The following CNBD1 variants were observed in gnomAD, a reference collection of about 807,000 sequenced individuals.
The protein encoded by CNBD1 is cyclic nucleotide-binding domain-containing protein 1.
A neutral mutation model predicts 54.4 loss-of-function variants in CNBD1; 71 were observed. That is an observed-to-expected ratio of 1.30 (90% CI 1.08 to 1.59). The LOEUF is 1.59. Ranked by LOEUF, CNBD1 falls within the 40% of genes most tolerant of loss-of-function variation. CNBD1 has a pLI of 0.00. For synonymous variants in CNBD1, 182 were observed against 170.7 expected (o/e 1.07, Z -0.51); for missense variants, 659 against 518.0 (o/e 1.27, Z -2.64).
At chr8:87,109,545 T>C (rs1811614293) in intron 4 of CNBD1, among the ~76,000 whole-genome samples, 1 of 149,146 alleles carries the variant, frequency 6.7e-6, no homozygotes, top group African/African-American at 2.5e-5. Context: ...TCTTTCTTTT[T>C]TTTTTTTTTT....
intron 4 of CNBD1, among the ~76,000 whole-genome samples, chr8:86,974,170 T>C (rs2130496062): frequency 6.6e-6 from 1 of 152,184 alleles, no homozygotes; most frequent in South Asian, 2.1e-4. Flanking sequence ...GCTTCATAAG[T>C]AGTCAAGGAA....
At chr8:87,024,748 T>G (rs560410579) in intron 4 of CNBD1, among the ~76,000 whole-genome samples, 51 of 152,340 alleles carry the variant, frequency 3.3e-4, no homozygotes, top group African/African-American at 1.2e-3. Context: ...TGTGTTGTTT[T>G]AAAGACTTCT....
chr8:87,201,514 A>G (rs1813861398), intron 4 of CNBD1, among the ~76,000 whole-genome samples: 1 of 152,200 alleles, frequency 6.6e-6, no homozygotes, highest in African/African-American at 2.4e-5. Flanking sequence ...TAAATAATAA[A>G]CACATTCAGC....
chr8:86,935,013 G>A (rs13276092), intron 3 of CNBD1, among the ~76,000 whole-genome samples: 100 of 49,758 alleles, frequency 2.0e-3, no homozygotes, highest in African/African-American at 3.6e-3. Flanking sequence ...GGGTTTGTTT[G>A]TTTGTTTATT....
At chr8:87,037,936 A>C (rs745756756) in intron 4 of CNBD1, among the ~76,000 whole-genome samples, 2 of 152,162 alleles carry the variant, frequency 1.3e-5, no homozygotes, top group Non-Finnish European at 2.9e-5. Flanking sequence ...TTCAGTGTCT[A>C]TGTTATTTTC....
intron 6 of CNBD1, among the ~76,000 whole-genome samples, chr8:87,261,007 G>C (rs1369186005): frequency 6.6e-6 from 1 of 152,094 alleles, no homozygotes; most frequent in African/African-American, 2.4e-5. Context: ...AAAAATCCCT[G>C]TGAATTTTTT....
At chr8:87,253,856 T>A (rs1807956955) in intron 6 of CNBD1, among the ~76,000 whole-genome samples, 1 of 152,098 alleles carries the variant, frequency 6.6e-6, no homozygotes, top group African/African-American at 2.4e-5. Context: ...CATGAGGATT[T>A]CAAGAATATA....
intron 5 of CNBD1, among the ~76,000 whole-genome samples, chr8:87,207,743 C>T (rs1387969104): frequency 2.0e-5 from 3 of 151,970 alleles, no homozygotes; most frequent in Admixed American, 6.6e-5. Context: ...TTTGATGGCA[C>T]CTTAACTCAC....
intron 2 of CNBD1, among the ~76,000 whole-genome samples, chr8:87,395,944 A>C (rs940969591): frequency 2.0e-5 from 3 of 151,860 alleles, no homozygotes; most frequent in African/African-American, 4.8e-5. Flanking sequence ...CCATGTGAAG[A>C]ATGACATGTT....
chr8:87,321,534 G>T (rs1280571544), intron 8 of CNBD1, among the ~76,000 whole-genome samples: 1 of 151,978 alleles, frequency 6.6e-6, no homozygotes, highest in Admixed American at 6.6e-5. Flanking sequence ...ATTTTTTAAA[G>T]GGTTTTTTGA....
At chr8:86,974,235 A>C (rs1808290799) in intron 4 of CNBD1, among the ~76,000 whole-genome samples, 1 of 152,178 alleles carries the variant, frequency 6.6e-6, no homozygotes, top group Non-Finnish European at 1.5e-5. Flanking sequence ...GTTGAAAAAA[A>C]ATTCAGAAGT....
chr8:86,940,671 T>C (rs574068158), intron 4 of CNBD1, among the ~76,000 whole-genome samples: 2 of 152,192 alleles, frequency 1.3e-5, no homozygotes, highest in South Asian at 4.1e-4. Context: ...AAATTAAACT[T>C]GTAAGCTGAA....
At chr8:87,346,453 A>T (rs984389837) in intron 8 of CNBD1, among the ~76,000 whole-genome samples, 13 of 151,776 alleles carry the variant, frequency 8.6e-5, no homozygotes, top group Admixed American at 8.5e-4. Flanking sequence ...CTATTTGGTT[A>T]TTTTTTGTAA....
intron 5 of CNBD1, among the ~76,000 whole-genome samples, chr8:87,208,194 C>G (rs1284665101): frequency 6.6e-6 from 1 of 152,150 alleles, no homozygotes; most frequent in South Asian, 2.1e-4. Context: ...GGTCTCTTTT[C>G]TGGCCACTAG....
In CNBD1 at chr8:87,072,419, T is replaced by A. The variant is rs569835119; in HGVS notation, c.431+132665T>A. Among the ~76,000 whole-genome samples, 3 of 152,334 alleles carry A rather than the reference T, an allele frequency of 2.0e-5. No homozygotes were observed. The South Asian group carries it at 6.2e-4, about 32-fold the overall frequency. On this transcript the variant is annotated intron_variant, in intron 4 of 10. Transcript: ENST00000518476. Reference sequence around the variant, plus strand: ...AGTGTCACTGGTTTGTCTATTTTGTTTATTGTTTTTTGTAGTGACTGATAA... The same window carrying A: ...AGTGTCACTGGTTTGTCTATTTTGTATATTGTTTTTTGTAGTGACTGATAA...
chr8:87,341,426 T>G (rs1174830635), intron 8 of CNBD1, among the ~76,000 whole-genome samples: 1 of 152,036 alleles, frequency 6.6e-6, no homozygotes, highest in Non-Finnish European at 1.5e-5. Context: ...TTGCTGGGAG[T>G]TTTCTCTTAA....
chr8:87,423,712 A>T (rs901709662), intron 2 of CNBD1, among the ~76,000 whole-genome samples: 2 of 151,048 alleles, frequency 1.3e-5, no homozygotes, highest in Non-Finnish European at 2.9e-5. Flanking sequence ...ATCAATGTTC[A>T]TCAAGGATAT....
At chr8:87,272,408 T>G (rs11777136) in intron 6 of CNBD1, among the ~76,000 whole-genome samples, 42,740 of 151,860 alleles carry the variant, frequency 0.28, 6,460 homozygotes, top group African/African-American at 0.39. Context: ...TCACATTGAA[T>G]TTAGGCTGAC....
At chr8:87,077,652 G>A (rs1255225636) in intron 4 of CNBD1, among the ~76,000 whole-genome samples, 4 of 145,942 alleles carry the variant, frequency 2.7e-5, no homozygotes, top group Non-Finnish European at 5.9e-5. Context: ...CCACCTATGA[G>A]TGAGAACATG....
Sources: gnomAD v4.1 joint callset for allele counts (sites outside exome capture counted in the v4.1 genomes callset) on GRCh38, gnomAD v4.1.1 for gene constraint, MANE v1.5 for transcripts, NCBI Gene and HGNC (gene_info 2026-07-23, HGNC 2026-07-21) for gene names.